The following DOCK5 variants were observed in gnomAD, a reference collection of about 807,000 sequenced individuals.
DOCK5 encodes the protein dedicator of cytokinesis protein 5.
A neutral mutation model predicts 251.8 loss-of-function variants in DOCK5; 142 were observed. The ratio of observed to expected loss-of-function variants is 0.56; its 90% confidence interval spans 0.49 to 0.65. The LOEUF (loss-of-function observed/expected upper bound fraction) is 0.65, where lower values mean the gene tolerates loss of function less well. Among genes scored for constraint, DOCK5 ranks in the 30% least tolerant of loss-of-function variants. DOCK5 has a pLI of 0.00. For synonymous variants in DOCK5, 842 were observed against 835.5 expected, an observed-to-expected ratio of 1.01 and a Z score of -0.13; for missense variants, 2,111 against 2,312.3, an observed-to-expected ratio of 0.91 and a Z score of 1.79.
intron 19 of DOCK5, 73 bp from the exon 20 acceptor site, chr8:25,332,530 T>C: frequency 7.4e-7 from 1 of 1,344,982 alleles, no homozygotes. Context: ...TTTAAACTAG[T>C]TGTACCCAGA....
Position 25,414,086 on chromosome 8 carries a change from G to A in DOCK5, c.*2788G>A, listed in dbSNP as rs1231812268. ...AATTGTCACAACTTTTGTGAATACT[G>A]GTATACGGTTGGAGGTGTTTTTAAA... On this transcript the variant is annotated 3_prime_UTR_variant, in exon 52 of 52. Coordinates refer to ENST00000276440, the MANE Select transcript of DOCK5 (RefSeq NM_024940.8). 1 of 152,082 alleles carries A rather than the reference G, an allele frequency of 6.6e-6. No homozygotes were observed. The highest frequency in any genetic ancestry group is 2.4e-5 in the African/African-American group (1 of 41,406). 9.4% of individuals were successfully genotyped at this position (152,082 alleles called of 1,614,324 possible).
chr8:25,309,039 CT>C, intron 12 of DOCK5, 114 bp downstream of exon 12: 4 of 1,404,688 alleles, frequency 2.8e-6, no homozygotes, highest in Non-Finnish European at 3.8e-6. Context: ...ACAGCCTCTG[CT>C]GGGGACCATC....
rs536439055 is a variant in DOCK5 at position 25,333,156 on chromosome 8, G to A, written c.2091+464G>A. On this transcript the variant is annotated intron_variant, in intron 20 of 51. Coordinates refer to ENST00000276440, the MANE Select transcript of DOCK5 (RefSeq NM_024940.8). ...CACTTAAACCTACAACCCATTGCAA[G>A]AATTGAAATCAGATCAGGGATAAGT... Among the ~76,000 whole-genome samples, 20 of 152,330 alleles carry A rather than the reference G, an allele frequency of 1.3e-4. No individual in the cohort carries two copies. The East Asian group carries it at 3.5e-3, about 26-fold the overall frequency.
chr8:25,380,339 T>G lies in DOCK5; in HGVS notation c.3971T>G (p.Leu1324Trp). 1.9e-6 allele frequency: 3 copies of G among 1,612,300 alleles called. No homozygotes were observed. Among genetic ancestry groups the G allele is most frequent in the Non-Finnish European group, 2.5e-6 (3 of 1,179,168 alleles). Reference protein sequence around the residue: ...WEKAIKLSKELAETYESKVFD... With the variant: ...WEKAIKLSKEWAETYESKVFD... The stretch of plus-strand genomic sequence containing the variant: ...AAGGCCATCAAGCTGAGCAAAGAGT[T>G]GGCTGAGACTTACGAAAGCAAAGTA... The change falls in exon 39 of 52, where the codon TTG becomes TGG. Residue 1324 changes from leucine to tryptophan, a missense_variant. Leu to Trp is a moderately conservative substitution (Grantham distance 61). Transcript: ENST00000276440.
chr8:25,276,292 G>A (rs921309758), intron 4 of DOCK5, among the ~76,000 whole-genome samples: 2 of 152,122 alleles, frequency 1.3e-5, no homozygotes, highest in Admixed American at 6.6e-5. Flanking sequence ...CATGAGATTC[G>A]AATGAGGTAA....
At chr8:25,189,886 G>C (rs771336796) in intron 1 of DOCK5, among the ~76,000 whole-genome samples, 1 of 152,046 alleles carries the variant, frequency 6.6e-6, no homozygotes, top group South Asian at 2.1e-4. Context: ...GTTTTTGTTT[G>C]CTTATTTGTT....
In DOCK5 at chr8:25,302,316, C is replaced by T. The variant is rs1466247798; in HGVS notation, c.847-9C>T. On this transcript the variant is annotated splice_polypyrimidine_tract_variant and intron_variant, in intron 9 of 51. Transcript: ENST00000276440. ...CCCACCTCCTCTCACACTTTCTCTG[C>T]CCCTTTAGGACCTTAGCAGCATGGA... 6.3e-7 allele frequency: 1 copy of T among 1,592,904 alleles called. No individual in the cohort carries two copies. Among genetic ancestry groups the T allele is most frequent in the Non-Finnish European group, 8.6e-7 (1 of 1,168,682 alleles).
intron 27 of DOCK5, among the ~76,000 whole-genome samples, chr8:25,355,484 C>G (rs1196351917): frequency 6.6e-6 from 1 of 152,198 alleles, no homozygotes; most frequent in Non-Finnish European, 1.5e-5. Context: ...GGGTGTCACT[C>G]TGTCAGCCAG....
Position 25,184,745 on chromosome 8 carries a change from C to T in DOCK5, c.-164C>T, listed in dbSNP as rs1270277925. On this transcript the variant is annotated 5_prime_UTR_variant, in exon 1 of 52. In the 5' UTR this introduces an upstream ATG that the reference lacks. Coordinates refer to ENST00000276440, the MANE Select transcript of DOCK5 (RefSeq NM_024940.8). ...ACCGCGGGCGGCGCGGGCACGGGCA[C>T]GGGCGCGGGCGGCGCGGCGAGGAGG... 3 of 488,002 alleles carry T rather than the reference C, an allele frequency of 6.1e-6. No homozygotes were observed. Among genetic ancestry groups the T allele is most frequent in the Non-Finnish European group, 8.8e-6 (3 of 340,506 alleles). 30.2% of individuals were successfully genotyped at this position (488,002 alleles called of 1,614,324 possible).
intron 1 of DOCK5, among the ~76,000 whole-genome samples, chr8:25,229,998 T>C (rs1378958049): frequency 6.6e-6 from 1 of 152,216 alleles, no homozygotes; most frequent in Non-Finnish European, 1.5e-5. Flanking sequence ...AGTTTTCTCG[T>C]AAGTGAAAAC....
At chr8:25,228,217 A>G (rs1238900290) in intron 1 of DOCK5, among the ~76,000 whole-genome samples, 3 of 152,226 alleles carry the variant, frequency 2.0e-5, no homozygotes, top group Non-Finnish European at 4.4e-5. Flanking sequence ...TTATTTAATG[A>G]AAATAGAACA....
chr8:25,224,539 A>G (rs999715091), intron 1 of DOCK5, among the ~76,000 whole-genome samples: 3 of 152,252 alleles, frequency 2.0e-5, no homozygotes, highest in South Asian at 2.1e-4. Context: ...TCTGAATCTT[A>G]CTAACTTGTT....
intron 26 of DOCK5, among the ~76,000 whole-genome samples, chr8:25,349,074 T>C (rs763192001): frequency 2.6e-5 from 4 of 151,930 alleles, no homozygotes; most frequent in Non-Finnish European, 4.4e-5. Flanking sequence ...AACAAGTAAA[T>C]GACTAATAAA....
chr8:25,299,511 G>C (rs1368061910), intron 8 of DOCK5: 1 of 155,766 alleles, frequency 6.4e-6, no homozygotes, highest in Non-Finnish European at 1.4e-5. Flanking sequence ...GATGCCAGGA[G>C]GGAACCCTTA....
intron 30 of DOCK5, among the ~76,000 whole-genome samples, chr8:25,365,890 A>G (rs991515593): frequency 2.6e-5 from 4 of 152,320 alleles, no homozygotes; most frequent in Admixed American, 2.0e-4. Flanking sequence ...ATACACACAT[A>G]CACACACAGA....
intron 1 of DOCK5, among the ~76,000 whole-genome samples, chr8:25,215,630 C>A (rs1181165417): frequency 3.3e-5 from 5 of 152,118 alleles, no homozygotes; most frequent in African/African-American, 1.2e-4. Flanking sequence ...CTACTCAATC[C>A]CTTGGTCATT....
At chr8:25,363,005 C>T (rs772087529) in intron 28 of DOCK5, 42 bp from the exon 29 acceptor site, 20 of 1,491,688 alleles carry the variant, frequency 1.3e-5, no homozygotes, top group South Asian at 2.3e-5. Flanking sequence ...AGACTATGAA[C>T]GTAACCCAGT....
intron 1 of DOCK5, among the ~76,000 whole-genome samples, chr8:25,209,702 CT>C (rs1802079319): frequency 1.5e-5 from 1 of 68,674 alleles, no homozygotes; most frequent in Non-Finnish European, 4.7e-5. Flanking sequence ...GATGTCTGAA[CT>C]TTTTTTGTAT....
intron 1 of DOCK5, among the ~76,000 whole-genome samples, chr8:25,185,729 C>A (rs1338415919): frequency 6.6e-6 from 1 of 152,144 alleles, no homozygotes; most frequent in Non-Finnish European, 1.5e-5. Flanking sequence ...TTCAGAACAG[C>A]GGTGCTGGAG....
Sources: gnomAD v4.1 joint callset for allele counts (sites outside exome capture counted in the v4.1 genomes callset) on GRCh38, gnomAD v4.1.1 for gene constraint, MANE v1.5 for transcripts, NCBI Gene and HGNC (gene_info 2026-07-23, HGNC 2026-07-21) for gene names.